Variants in PKD1L1 observed in about 807,000 individuals in gnomAD.
PKD1L1 encodes polycystin-1-like protein 1.
Under a neutral mutation model 323.4 loss-of-function variants are expected in PKD1L1, and 236 were observed. That is an observed-to-expected ratio of 0.73 (90% CI 0.66 to 0.81). The LOEUF is 0.81. Ranked by LOEUF, PKD1L1 falls within the 40% of genes least tolerant of loss-of-function variation. The pLI is 0.00. For synonymous variants in PKD1L1, 1,344 were observed against 1,335.0 expected (o/e 1.01, Z -0.15); for missense variants, 3,320 against 3,508.0 (o/e 0.95, Z 1.35).
At chr7:47,880,280 A>ATT (rs1380647150) in intron 21 of PKD1L1, among the ~76,000 whole-genome samples, 10 of 71,550 alleles carry the variant, frequency 1.4e-4, no homozygotes, top group East Asian at 6.5e-4. Flanking sequence ...ATATATATAT[A>ATT]TATATTTTTT....
At chr7:47,937,053 T>A (rs572144915) in intron 3 of PKD1L1, 95 bp from the exon 4 acceptor site, 329 of 945,260 alleles carry the variant, frequency 3.5e-4, no homozygotes, top group Middle Eastern at 9.3e-4. Context: ...AAAATAGCAG[T>A]GGACCCCTGC....
At position 47,796,039 on chromosome 7, in the gene PKD1L1, G is replaced by T; in HGVS notation, c.8305C>A (p.Leu2769Met). The change falls in exon 55 of 57, where the codon CTG (leucine) becomes ATG (methionine). Residue 2769 changes from leucine to methionine, a missense_variant. Leu to Met is a conservative substitution (Grantham distance 15). Transcript: ENST00000289672. ...TCCAACTTTGGTGTTTCCAGTCTCA[G>T]AAAGGTGAGGACCTTTTCCCACATA... ...AYMWEKVLTF[L>M]RLETPKLEEA... 6.2e-7 allele frequency: 1 copy of T among 1,613,052 alleles called. No homozygotes were observed. The highest frequency in any genetic ancestry group is 1.1e-5 in the South Asian group (1 of 90,794).
chr7:47,931,096 C>T lies in PKD1L1; in HGVS notation c.737+8G>A, dbSNP rs764060876. 2.5e-6 allele frequency: 4 copies of T among 1,612,842 alleles called. No individual in the cohort carries two copies. Among genetic ancestry groups the T allele is most frequent in the Non-Finnish European group, 3.4e-6 (4 of 1,179,322 alleles). On this transcript the variant is annotated splice_region_variant and intron_variant, in intron 6 of 56. Transcript: ENST00000289672. ...GTGGTGCTGGCCTCCATACCTCCTT[C>T]ACCGTACCTTCTGGGAGAAGTGGGA...
intron 41 of PKD1L1, 51 bp from the exon 42 acceptor site, chr7:47,831,403 C>G (rs1280839334): frequency 6.4e-7 from 1 of 1,568,624 alleles, no homozygotes; most frequent in Non-Finnish European, 8.7e-7. Flanking sequence ...CTCGGCATCT[C>G]CATCCACGCG....
chr7:47,960,085 C>T, the PKD1L1 span, among the ~76,000 whole-genome samples: 1 of 151,678 alleles, frequency 6.6e-6, no homozygotes, highest in African/African-American at 2.4e-5. Context: ...ACCCTGTGCT[C>T]TCTGAAACAT....
intron 52 of PKD1L1, among the ~76,000 whole-genome samples, chr7:47,807,750 C>A (rs1784811403): frequency 6.6e-6 from 1 of 152,164 alleles, no homozygotes; most frequent in Admixed American, 6.5e-5. Flanking sequence ...GGGAACCATT[C>A]CCTGCAGGAA....
intron 16 of PKD1L1, among the ~76,000 whole-genome samples, chr7:47,889,104 G>GA (rs1786751378): frequency 6.6e-6 from 1 of 151,838 alleles, no homozygotes; most frequent in South Asian, 2.1e-4. Flanking sequence ...GTGTGTGTGT[G>GA]AAAGGGTGCA....
At chr7:47,900,350 G>A (rs79914032) in intron 13 of PKD1L1, among the ~76,000 whole-genome samples, 2,185 of 152,278 alleles carry the variant, frequency 0.014, 49 homozygotes, top group African/African-American at 0.05. Context: ...GTGTTCTTCA[G>A]TTCTATAACT....
intron 24 of PKD1L1, among the ~76,000 whole-genome samples, chr7:47,872,248 T>C (rs960657414): frequency 6.6e-6 from 1 of 152,150 alleles, no homozygotes; most frequent in Non-Finnish European, 1.5e-5. Flanking sequence ...ACCAAAGCCA[T>C]TGTCCCATGC....
intron 45 of PKD1L1, among the ~76,000 whole-genome samples, chr7:47,822,434 CA>C (rs35645229): frequency 0.55 from 79,870 of 145,446 alleles, 21,587 homozygotes; most frequent in East Asian, 0.68. Context: ...ACTAAAAATA[CA>C]AAAAAAAAAA....
At chr7:47,864,224 C>T (rs1786097607) in intron 26 of PKD1L1, among the ~76,000 whole-genome samples, 1 of 152,088 alleles carries the variant, frequency 6.6e-6, no homozygotes. Context: ...TGGAGGAGAG[C>T]TCCACACAAA....
At chr7:47,816,110 C>T (rs1432003532) in intron 46 of PKD1L1, among the ~76,000 whole-genome samples, 1 of 152,228 alleles carries the variant, frequency 6.6e-6, no homozygotes, top group Admixed American at 6.5e-5. Context: ...GGCTCTGGGA[C>T]ACACAGACCA....
intron 42 of PKD1L1, among the ~76,000 whole-genome samples, chr7:47,830,366 C>G (rs1006848879): frequency 6.6e-6 from 1 of 152,138 alleles, no homozygotes; most frequent in Non-Finnish European, 1.5e-5. Flanking sequence ...GAAAGGAAAA[C>G]CCAACAGGCA....
At chr7:47,827,225 TC>T (rs1785254112) in intron 45 of PKD1L1, 124 bp downstream of exon 45, 1 of 812,462 alleles carries the variant, frequency 1.2e-6, no homozygotes, top group South Asian at 2.1e-5. Context: ...AGCAAGGTGG[TC>T]CCCACCTCCA....
chr7:47,938,295 G>A (rs996159809), intron 3 of PKD1L1, among the ~76,000 whole-genome samples: 1 of 152,176 alleles, frequency 6.6e-6, no homozygotes, highest in African/African-American at 2.4e-5. Flanking sequence ...AGGCCAGAGT[G>A]GGAGCTGAAA....
At chr7:47,872,710 A>G (rs1473331404) in intron 24 of PKD1L1, among the ~76,000 whole-genome samples, 1 of 152,220 alleles carries the variant, frequency 6.6e-6, no homozygotes, top group African/African-American at 2.4e-5. Flanking sequence ...GGATATCAAG[A>G]AACCAGAACT....
chr7:47,794,543 A>T (rs1787029234), intron 55 of PKD1L1, among the ~76,000 whole-genome samples: 1 of 152,228 alleles, frequency 6.6e-6, no homozygotes, highest in Non-Finnish European at 1.5e-5. Flanking sequence ...CTGGATACCC[A>T]GGCAAAAGTT....
chr7:47,836,699 A>T (rs1239626986), intron 37 of PKD1L1, among the ~76,000 whole-genome samples: 2 of 152,186 alleles, frequency 1.3e-5, no homozygotes, highest in African/African-American at 4.8e-5. Flanking sequence ...CCCACACAGC[A>T]GCTGTCCACC....
intron 7 of PKD1L1, among the ~76,000 whole-genome samples, chr7:47,916,822 A>G (rs1787438198): frequency 6.6e-6 from 1 of 152,206 alleles, no homozygotes; most frequent in South Asian, 2.1e-4. Context: ...AAAGAATCTG[A>G]ACAACAGCCT....
Sources: allele counts gnomAD v4.1 joint callset (sites outside exome capture counted in the v4.1 genomes callset), GRCh38; gene constraint gnomAD v4.1.1; transcripts MANE v1.5; gene names NCBI Gene and HGNC (gene_info 2026-07-23, HGNC 2026-07-21).